Variants in NAALADL2 observed in about 807,000 individuals in gnomAD.
The protein encoded by NAALADL2 is inactive N-acetylated-alpha-linked acidic dipeptidase-like protein 2.
A neutral mutation model predicts 87.2 loss-of-function variants in NAALADL2; 76 were observed. The ratio of observed to expected loss-of-function variants is 0.87; its 90% CI spans 0.72 to 1.05. NAALADL2 has a LOEUF of 1.05. Among genes scored for constraint, NAALADL2 ranks in the 50% least tolerant of loss-of-function variants. The pLI is 0.00. For missense variants in NAALADL2, 1,089 were observed against 945.8 expected (o/e 1.15, Z -1.99); for synonymous variants, 354 against 331.0 (o/e 1.07, Z -0.75).
At chr3:175,273,245 G>T (rs916094100) in intron 4 of NAALADL2, among the ~76,000 whole-genome samples, 1 of 152,186 alleles carries the variant, frequency 6.6e-6, no homozygotes, top group East Asian at 1.9e-4. Flanking sequence ...GAATGCTGCA[G>T]TTGTTTGTGT....
At chr3:174,513,659 C>T (rs1719748938) in intron 1 of NAALADL2, 1 of 152,110 alleles carries the variant, frequency 6.6e-6, no homozygotes, top group South Asian at 2.1e-4. Context: ...ATCTTTTTGT[C>T]ATGTATGCTT....
At chr3:175,339,336 A>G (rs1004392691) in intron 5 of NAALADL2, among the ~76,000 whole-genome samples, 1 of 152,278 alleles carries the variant, frequency 6.6e-6, no homozygotes, top group South Asian at 2.1e-4. Context: ...CAAAGGTCCT[A>G]CGTTGTTTGT....
intron 4 of NAALADL2, among the ~76,000 whole-genome samples, chr3:175,275,379 T>G (rs1581224309): frequency 6.6e-6 from 1 of 152,252 alleles, no homozygotes; most frequent in Non-Finnish European, 1.5e-5. Flanking sequence ...TCTTAAAAAT[T>G]AATCAAGACT....
At chr3:175,364,771 A>G in intron 5 of NAALADL2, among the ~76,000 whole-genome samples, 1 of 147,756 alleles carries the variant, frequency 6.8e-6, no homozygotes, top group East Asian at 2.0e-4. Flanking sequence ...GGAACAGATT[A>G]TAAATTTGTG....
intron 2 of NAALADL2, among the ~76,000 whole-genome samples, chr3:175,112,997 G>A (rs1466227273): frequency 6.6e-6 from 1 of 151,624 alleles, no homozygotes; most frequent in African/African-American, 2.4e-5. Flanking sequence ...GCACAGAAAA[G>A]TAAATTAGGG....
chr3:174,908,644 T>A (rs1466577043), intron 1 of NAALADL2, among the ~76,000 whole-genome samples: 1 of 152,168 alleles, frequency 6.6e-6, no homozygotes, highest in East Asian at 1.9e-4. Flanking sequence ...CTTGCTTTCA[T>A]AATTAATAGG....
In NAALADL2 at chr3:175,426,706, T is replaced by G. The variant is rs1331044621; in HGVS notation, c.1091-20523T>G. On this transcript the variant is annotated intron_variant, in intron 5 of 13. Coordinates refer to ENST00000454872, the MANE Select transcript of NAALADL2 (RefSeq NM_207015.3). ...AAAGTTCAGTATCCAAAAATTCTAA[T>G]ATAATAAACATGTATTTATTATTTT... Among the ~76,000 whole-genome samples the G allele has an allele frequency of 3.2e-5, 3 of 93,368 alleles. No individual in the cohort carries two copies. The Admixed American group carries it at 3.8e-4, about 12-fold the overall frequency. The allele number at this position is 93,368 out of a possible 152,430, so 61.3% of individuals were successfully genotyped here.
intron 1 of NAALADL2, among the ~76,000 whole-genome samples, chr3:174,876,169 A>T (rs986320984): frequency 5.3e-5 from 8 of 152,190 alleles, no homozygotes; most frequent in African/African-American, 1.9e-4. Context: ...CACAAAATAC[A>T]ATAAAAATCT....
At chr3:174,655,135 G>A (rs989098039) in intron 2 of NAALADL2, among the ~76,000 whole-genome samples, 4 of 152,146 alleles carry the variant, frequency 2.6e-5, no homozygotes, top group Non-Finnish European at 5.9e-5. Context: ...GAATTAAAAG[G>A]AATTCATTGT....
At chr3:175,205,893 C>T (rs751525397) in intron 2 of NAALADL2, among the ~76,000 whole-genome samples, 19 of 151,326 alleles carry the variant, frequency 1.3e-4, no homozygotes, top group Non-Finnish European at 2.2e-4. Context: ...AAAACCATCA[C>T]GCGCTACCAC....
intron 2 of NAALADL2, among the ~76,000 whole-genome samples, chr3:174,647,602 T>C (rs1234998479): frequency 6.6e-6 from 1 of 152,208 alleles, no homozygotes; most frequent in Non-Finnish European, 1.5e-5. Context: ...GCAAGACATA[T>C]CTGAGAGCCA....
intron 4 of NAALADL2, among the ~76,000 whole-genome samples, chr3:175,295,086 A>G (rs1027546655): frequency 3.9e-5 from 6 of 152,182 alleles, no homozygotes; most frequent in African/African-American, 1.4e-4. Flanking sequence ...CAGTCAGGTA[A>G]AAGAGTGTAT....
At chr3:174,987,375 C>T (rs1296137116) in intron 1 of NAALADL2, among the ~76,000 whole-genome samples, 1 of 150,578 alleles carries the variant, frequency 6.6e-6, no homozygotes, top group African/African-American at 2.4e-5. Context: ...CGAGACCATC[C>T]CGGCTAAAAC....
intron 1 of NAALADL2, among the ~76,000 whole-genome samples, chr3:174,982,055 T>G (rs1004232079): frequency 6.6e-6 from 1 of 152,246 alleles, no homozygotes; most frequent in Non-Finnish European, 1.5e-5. Flanking sequence ...TAGTCAAAAT[T>G]TTGTCAATAG....
At chr3:175,653,278 T>C (rs1731031904) in intron 11 of NAALADL2, among the ~76,000 whole-genome samples, 1 of 152,148 alleles carries the variant, frequency 6.6e-6, no homozygotes, top group Non-Finnish European at 1.5e-5. Flanking sequence ...TTTCTGACTT[T>C]TTTGCTAATC....
chr3:174,530,992 A>G (rs1721189139), intron 1 of NAALADL2, among the ~76,000 whole-genome samples: 2 of 152,234 alleles, frequency 1.3e-5, no homozygotes, highest in Admixed American at 1.3e-4. Context: ...GAGGTAAAGC[A>G]CACTGACCTA....
At chr3:175,006,672 A>G (rs9812241) in intron 1 of NAALADL2, among the ~76,000 whole-genome samples, 23,957 of 151,408 alleles carry the variant, frequency 0.16, 2,357 homozygotes, top group African/African-American at 0.28. Context: ...TTTTTCTGCT[A>G]AGTGTATAGG....
At chr3:175,735,964 C>G (rs1744447135) in intron 11 of NAALADL2, among the ~76,000 whole-genome samples, 1 of 152,218 alleles carries the variant, frequency 6.6e-6, no homozygotes, top group African/African-American at 2.4e-5. Flanking sequence ...TCACTAACCA[C>G]ATTTCACACT....
At chr3:174,906,442 T>C (rs1418237446) in intron 1 of NAALADL2, among the ~76,000 whole-genome samples, 1 of 152,130 alleles carries the variant, frequency 6.6e-6, no homozygotes, top group African/African-American at 2.4e-5. Context: ...GAAAAGACTG[T>C]GACTTTCATC....
Sources: allele counts gnomAD v4.1 joint callset (sites outside exome capture counted in the v4.1 genomes callset), GRCh38; gene constraint gnomAD v4.1.1; transcripts MANE v1.5; gene names NCBI Gene and HGNC (gene_info 2026-07-23, HGNC 2026-07-21).